Variants in ZNF484 observed in about 807,000 individuals in gnomAD.
ZNF484 encodes the protein KRAB box containing C2H2 type zinc finger bA526D8.4.
ZNF484 carries 11 observed loss-of-function variants against 12.9 expected under a neutral mutation model. The ratio of observed to expected loss-of-function variants is 0.85; its 90% CI spans 0.54 to 1.41. The LOEUF is 1.41. Among genes scored for constraint, ZNF484 ranks in the 40% most tolerant of loss-of-function variants. ZNF484 has a pLI of 0.00. For missense variants in ZNF484, 807 were observed against 1,007.7 expected (o/e 0.80, Z 2.70); for synonymous variants, 289 against 334.1 (o/e 0.86, Z 1.47).
rs141382821 is a variant in ZNF484, at chr9:92,876,406, C to T, written c.-30-1347G>A. ...TCACACTAAACTGAGATGTAAAATT[C>T]TATCAACAGAGACTATAAATTGGAT... On this transcript the variant is annotated intron_variant, in intron 1 of 4. Transcript: ENST00000375495. Among the ~76,000 whole-genome samples the T allele has an allele frequency of 1.9e-4, 29 of 152,092 alleles. No homozygotes were observed. In the East Asian group the frequency reaches 5.0e-3, roughly 26 times the overall value.
chr9:92,865,854 A>C (rs1252321939), intron 2 of ZNF484, among the ~76,000 whole-genome samples: 3 of 152,186 alleles, frequency 2.0e-5, no homozygotes, highest in Non-Finnish European at 4.4e-5. Flanking sequence ...GGCTGTAGTG[A>C]GCTGGGATCA....
chr9:92,849,005 T>C (rs931987002), intron 4 of ZNF484, among the ~76,000 whole-genome samples: 2 of 152,026 alleles, frequency 1.3e-5, no homozygotes, highest in African/African-American at 4.8e-5. Context: ...CTCACGCCTG[T>C]AAGCCCAGCA....
chr9:92,862,100 C>A, intron 2 of ZNF484: 1 of 930,528 alleles, frequency 1.1e-6, no homozygotes, highest in Non-Finnish European at 1.3e-6. Flanking sequence ...ATAAAATAGG[C>A]TCTGTTTAAA....
chr9:92,856,104 G>T, intron 3 of ZNF484, 88 bp downstream of exon 3: 1 of 1,559,634 alleles, frequency 6.4e-7, no homozygotes, highest in Non-Finnish European at 8.7e-7. Flanking sequence ...ACATACCTCA[G>T]AAAACACAGA....
At chr9:92,855,973 A>G in intron 3 of ZNF484, 70 bp from the exon 4 acceptor site, 4 of 1,555,868 alleles carry the variant, frequency 2.6e-6, no homozygotes, top group Middle Eastern at 3.4e-4. Context: ...TTTTTTCCCA[A>G]AAAAGTTCAC....
Position 92,848,211 on chromosome 9 carries a change from A to G in ZNF484, c.576T>C (p.Tyr192=). The G allele has an allele frequency of 1.2e-6, 2 of 1,614,150 alleles. No individual in the cohort carries two copies. Among genetic ancestry groups the G allele is most frequent in the Non-Finnish European group, 1.7e-6 (2 of 1,180,014 alleles). ...GKNLEPIITL[Y]NRNNATENSD... is the part of the protein sequence containing the mutation. ...AATTTTCTGTTGCATTGTTTCTATT[A>G]TATAAGGTTATGATAGGCTCCAAAT... The change falls in exon 5 of 5, where the codon TAT becomes TAC. Residue 192 remains tyrosine (Y), a synonymous_variant. Coordinates refer to ENST00000375495, the MANE Select transcript of ZNF484 (RefSeq NM_031486.4). The surrounding 1 kb of genome is among the most constrained non-coding windows in gnomAD (Gnocchi z 4.1).
chr9:92,875,153 A>C, intron 1 of ZNF484, 94 bp from the exon 2 acceptor site: 2 of 1,030,154 alleles, frequency 1.9e-6, no homozygotes, highest in Non-Finnish European at 2.8e-6. Context: ...CTTGCACCTT[A>C]CTCAAAAATT....
chr9:92,874,153 T>C lies in ZNF484; in HGVS notation c.15+862A>G, dbSNP rs186235265. On this transcript the variant is annotated intron_variant, in intron 2 of 4. Transcript: ENST00000375495. ...GAAGGTGGTCCTTGGACAAGGAGCA[T>C]TGATGTTCTGTGGAAATTTGTGAGA... Among the ~76,000 whole-genome samples, 504 of 152,304 alleles carry C rather than the reference T, an allele frequency of 3.3e-3. 1 individual carries two copies. Among genetic ancestry groups the C allele is most frequent in the Middle Eastern group, 0.024 (7 of 294 alleles).
chr9:92,847,221 T>C lies in ZNF484; in HGVS notation c.1566A>G (p.Lys522=), dbSNP rs767998165. 6.2e-7 allele frequency: 1 copy of C among 1,614,146 alleles called. No individual in the cohort carries two copies. Among genetic ancestry groups the C allele is most frequent in the Non-Finnish European group, 8.5e-7 (1 of 1,180,024 alleles). ...TTCCACAGTCGCTGCATTTATAAGG[T>C]TTCTCTCCAGTATGAATTTTTTGGT... ...IKHQKIHTGE[K]PYKCSDCGKS... is the part of the protein sequence containing the mutation. The change falls in exon 5 of 5, where the codon AAA becomes AAG. Residue 522 remains lysine (K), a synonymous_variant. Coordinates refer to ENST00000375495, the MANE Select transcript of ZNF484 (RefSeq NM_031486.4).
rs1373039675 is a variant in ZNF484, at chr9:92,846,259, T to C, written c.2528A>G (p.Glu843Gly). The C allele has an allele frequency of 6.2e-7, 1 of 1,613,760 alleles. No individual in the cohort carries two copies. Among genetic ancestry groups the C allele is most frequent in the Admixed American group, 1.7e-5 (1 of 59,978 alleles). ...SMPQLWCGDS[E>G]GDQGQLSSI ...AGAAGAAAGTTGGCCTTGGTCACCTTCTGAGTCCCCACACCATAATTGTGG... is the reference window on the plus strand; with the variant it reads ...AGAAGAAAGTTGGCCTTGGTCACCTCCTGAGTCCCCACACCATAATTGTGG... The change falls in exon 5 of 5, where the codon GAA (glutamate) becomes GGA (glycine). Residue 843 changes from glutamate to glycine, a missense_variant. By Grantham distance (98) the Glu-to-Gly change is moderately conservative (BLOSUM62 -2). Coordinates refer to ENST00000375495, the MANE Select transcript of ZNF484 (RefSeq NM_031486.4).
Position 92,848,848 on chromosome 9 carries a change from G to A in ZNF484, c.236-297C>T, listed in dbSNP as rs1202694109. Among the ~76,000 whole-genome samples the A allele has an allele frequency of 1.3e-5, 2 of 152,010 alleles. No individual in the cohort carries two copies. The highest frequency in any genetic ancestry group is 2.9e-5 in the Non-Finnish European group (2 of 68,024). On this transcript the variant is annotated intron_variant, in intron 4 of 4. Coordinates refer to ENST00000375495, the MANE Select transcript of ZNF484 (RefSeq NM_031486.4). This position sits in a 1 kb window ranked among gnomAD's most constrained non-coding sequence, Gnocchi z 4.1. ...GCTTGATGGCTTGAAGGCAGAGGTT[G>A]CAGTGAGCTGAAATTGCGCCATTGC...
At chr9:92,864,527 A>T (rs1394357104) in intron 2 of ZNF484, among the ~76,000 whole-genome samples, 3 of 152,324 alleles carry the variant, frequency 2.0e-5, no homozygotes, top group East Asian at 3.9e-4. Flanking sequence ...TTTTGTGTTT[A>T]AGCCCGTAAT....
At chr9:92,861,640 T>C (rs1212170994) in intron 2 of ZNF484, among the ~76,000 whole-genome samples, 3 of 152,148 alleles carry the variant, frequency 2.0e-5, no homozygotes, top group Non-Finnish European at 4.4e-5. Flanking sequence ...ATTGATGAAA[T>C]GATTGTTTCA....
At chr9:92,851,932 T>C (rs1302227363) in intron 4 of ZNF484, among the ~76,000 whole-genome samples, 2 of 152,234 alleles carry the variant, frequency 1.3e-5, no homozygotes, top group African/African-American at 4.8e-5. Flanking sequence ...GGCATAGATG[T>C]GCACGTTAAC....
intron 2 of ZNF484, among the ~76,000 whole-genome samples, chr9:92,857,006 G>A (rs1352433289): frequency 1.3e-5 from 2 of 152,244 alleles, no homozygotes. Flanking sequence ...TTACAGGCAT[G>A]AGCCACGACA....
intron 2 of ZNF484, among the ~76,000 whole-genome samples, chr9:92,866,486 A>G (rs1857081296): frequency 6.6e-6 from 1 of 152,238 alleles, no homozygotes; most frequent in Admixed American, 6.5e-5. Context: ...AAAAGTCAAG[A>G]AACAATAGAT....
chr9:92,846,710 CATA>C lies in ZNF484; in HGVS notation c.2074_2076del (p.Tyr692del), dbSNP rs1855632468. On this transcript the variant is annotated inframe_deletion, in exon 5 of 5. Coordinates refer to ENST00000375495, the MANE Select transcript of ZNF484 (RefSeq NM_031486.4). Reference sequence around the variant, plus strand: ...AAGGCTTTCCCACATTCACTGCACTCATAATGCCTTTCTCCAGTATGGGATTGC... The same window carrying C: ...AAGGCTTTCCCACATTCACTGCACTCATGCCTTTCTCCAGTATGGGATTGC... 1 of 1,613,904 alleles carries C rather than the reference CATA, an allele frequency of 6.2e-7. No individual in the cohort carries two copies.
intron 2 of ZNF484, among the ~76,000 whole-genome samples, chr9:92,871,858 G>T (rs1001088301): frequency 2.0e-5 from 3 of 152,190 alleles, no homozygotes; most frequent in African/African-American, 7.2e-5. Flanking sequence ...TGGCTAAATC[G>T]GCTGTCCTTA....
At chr9:92,875,690 C>T (rs1448831075) in intron 1 of ZNF484, among the ~76,000 whole-genome samples, 1 of 152,182 alleles carries the variant, frequency 6.6e-6, no homozygotes, top group Admixed American at 6.5e-5. Context: ...CAATCCTAGG[C>T]ACACCTGTTT....
Sources: gnomAD v4.1 joint callset for allele counts (sites outside exome capture counted in the v4.1 genomes callset) on GRCh38, gnomAD v4.1.1 for gene constraint, Gnocchi (gnomAD v3.1) non-coding constraint, MANE v1.5 for transcripts, NCBI Gene and HGNC (gene_info 2026-07-23, HGNC 2026-07-21) for gene names.